The following PRRC2B variants were observed in gnomAD, a reference collection of about 807,000 sequenced individuals.
The protein encoded by PRRC2B is proline rich coiled-coil 2B.
In PRRC2B, 68 loss-of-function variants were observed where a neutral mutation model predicts 242.3. The observed-to-expected ratio is 0.28, with a 90% CI of 0.23 to 0.34. The LOEUF is 0.34. Ranked by LOEUF, PRRC2B falls within the 10% of genes least tolerant of loss-of-function variation. The probability of loss-of-function intolerance (pLI) is 1.00; values close to 1 mark genes in which losing one functional copy is unlikely to be tolerated. For missense variants in PRRC2B, 2,835 were observed against 2,954.8 expected (o/e 0.96, Z 0.94); for synonymous variants, 1,228 against 1,173.6 (o/e 1.05, Z -0.95).
chr9:131,484,561 G>T, intron 23 of PRRC2B, 125 bp from the exon 24 acceptor site: 1 of 723,148 alleles, frequency 1.4e-6, no homozygotes, highest in South Asian at 2.0e-5. Context: ...CCATGGATGG[G>T]TTTGGGCAAG....
chr9:131,454,946 A>G (rs1459052094), intron 9 of PRRC2B, 130 bp from the exon 10 acceptor site: 2 of 651,280 alleles, frequency 3.1e-6, no homozygotes, highest in Non-Finnish European at 5.4e-6. Context: ...CTGGTCTCAA[A>G]CTCCTGTCCT....
At chr9:131,456,973 C>T (rs1246783793) in intron 10 of PRRC2B, among the ~76,000 whole-genome samples, 1 of 152,156 alleles carries the variant, frequency 6.6e-6, no homozygotes, top group Non-Finnish European at 1.5e-5. Flanking sequence ...GATGTTAATG[C>T]TTTGCTGTTG....
intron 29 of PRRC2B, 44 bp downstream of exon 29, chr9:131,491,624 G>C: frequency 6.5e-7 from 1 of 1,535,722 alleles, no homozygotes; most frequent in Non-Finnish European, 8.8e-7. Context: ...AGGGGGCCTT[G>C]TGTCACCAAC....
intron 9 of PRRC2B, among the ~76,000 whole-genome samples, chr9:131,454,181 G>T (rs1470965858): frequency 1.3e-5 from 2 of 152,170 alleles, no homozygotes; most frequent in African/African-American, 2.4e-5. Flanking sequence ...AGTTAATTAT[G>T]TTATAGCATG....
chr9:131,474,061 C>A (rs552568944), intron 15 of PRRC2B, among the ~76,000 whole-genome samples: 1 of 152,138 alleles, frequency 6.6e-6, no homozygotes, highest in Non-Finnish European at 1.5e-5. Context: ...ACAGAGTTAG[C>A]CCTGCCACCC....
intron 25 of PRRC2B, chr9:131,485,680 T>C (rs1167481704): frequency 1.8e-6 from 1 of 542,108 alleles, no homozygotes; most frequent in Non-Finnish European, 3.6e-6. Flanking sequence ...GTGATGTAAT[T>C]CCAATAGATC....
In PRRC2B at chr9:131,464,713, A is replaced by G. The variant is rs200372289; in HGVS notation, c.1405-50A>G. ...ATCCCAAAGTGGGAGTGGTTCCTGT[A>G]TCCCGGGTCCCGGACCCACCGCCTT... On this transcript the variant is annotated intron_variant, in intron 11 of 31. Transcript: ENST00000683519. 89 of 1,490,928 alleles carry G rather than the reference A, an allele frequency of 6.0e-5. No individual in the cohort carries two copies. In the African/African-American group the frequency reaches 1.0e-3, roughly 17 times the overall value. 92.4% of individuals were successfully genotyped at this position (1,490,928 alleles called of 1,614,324 possible). A position where few individuals can be genotyped will look rare whatever the true frequency, so the allele number is the denominator to read the frequency against.
At position 131,444,213 on chromosome 9, in the gene PRRC2B, C is replaced by A; in HGVS notation, c.498C>A (p.Ser166=). Residue 166 remains serine (S), a synonymous_variant, in exon 6 of 32, where the codon TCC becomes TCA. Coordinates refer to ENST00000683519, the MANE Select transcript of PRRC2B (RefSeq NM_013318.4). Reference sequence around the variant, plus strand: ...TAAGGGGCTCAAGCCGACTGTTATCCTTCTCTCCCGAGGAATTTCCGACGC... The same window carrying A: ...TAAGGGGCTCAAGCCGACTGTTATCATTCTCTCCCGAGGAATTTCCGACGC... ...GGLRGSSRLL[S]FSPEEFPTLK... is the part of the protein sequence containing the mutation. 6.2e-7 allele frequency: 1 copy of A among 1,614,030 alleles called. No homozygotes were observed. The highest frequency in any genetic ancestry group is 1.1e-5 in the South Asian group (1 of 91,080).
At chr9:131,490,370 G>C (rs2131480957) in intron 28 of PRRC2B, 1 of 496,998 alleles carries the variant, frequency 2.0e-6, no homozygotes, top group Non-Finnish European at 4.0e-6. Context: ...CTGCAAGTCA[G>C]ATCATACCCC....
At chr9:131,481,097 C>A (rs1392549351) in intron 19 of PRRC2B, among the ~76,000 whole-genome samples, 1 of 151,600 alleles carries the variant, frequency 6.6e-6, no homozygotes, top group African/African-American at 2.4e-5. Flanking sequence ...GTCAGGAGAT[C>A]GAGACCATCC....
At chr9:131,466,846 G>C (rs962463672) in intron 12 of PRRC2B, among the ~76,000 whole-genome samples, 12 of 150,880 alleles carry the variant, frequency 8.0e-5, no homozygotes, top group African/African-American at 2.9e-4. Flanking sequence ...CTGTCGCCCA[G>C]GCTGGAGTGC....
At chr9:131,412,221 C>A (rs1205073946) in intron 1 of PRRC2B, among the ~76,000 whole-genome samples, 1 of 152,184 alleles carries the variant, frequency 6.6e-6, no homozygotes, top group Middle Eastern at 3.2e-3. Context: ...TCTGTTTGTT[C>A]TAATGTTTGT....
intron 1 of PRRC2B, among the ~76,000 whole-genome samples, chr9:131,418,119 A>C (rs1837707142): frequency 6.6e-6 from 1 of 152,232 alleles, no homozygotes; most frequent in South Asian, 2.1e-4. Flanking sequence ...TGATGGTGTC[A>C]CCACCACTAT....
At chr9:131,481,844 A>ATGAGTGTG in intron 20 of PRRC2B, 36 bp downstream of exon 20, 7 of 1,522,134 alleles carry the variant, frequency 4.6e-6, no homozygotes, top group Non-Finnish European at 6.2e-6. Context: ...TGCCCCTGGG[A>ATGAGTGTG]TGAGTGTGTG....
At position 131,452,253 on chromosome 9, in the gene PRRC2B, T is replaced by A. The variant is rs891423738; in HGVS notation, c.1121-2823T>A. 2.6e-5 allele frequency among the ~76,000 whole-genome samples: 4 copies of A among 152,172 alleles called. No homozygotes were observed. In the East Asian group the frequency reaches 7.7e-4, roughly 29 times the overall value. On this transcript the variant is annotated intron_variant, in intron 9 of 31. Transcript: ENST00000683519. ...GCAGCCTCAAACTCCTGGGCTCAAG[T>A]GATCCTCCTGCCTCACCTTCTGAGT...
intron 25 of PRRC2B, 192 bp from the exon 26 acceptor site, chr9:131,485,893 G>A: frequency 2.8e-6 from 2 of 709,036 alleles, no homozygotes; most frequent in South Asian, 1.5e-5. Context: ...CGTTCCCTGA[G>A]GTGCGTGCCA....
At chr9:131,397,214 C>A (rs999613773) in intron 1 of PRRC2B, among the ~76,000 whole-genome samples, 5 of 152,210 alleles carry the variant, frequency 3.3e-5, no homozygotes, top group African/African-American at 1.2e-4. Context: ...CTTCTGCATA[C>A]CTGTGAATTT....
intron 1 of PRRC2B, among the ~76,000 whole-genome samples, chr9:131,403,816 G>GT (rs1283378569): frequency 1.3e-5 from 2 of 151,952 alleles, no homozygotes; most frequent in Non-Finnish European, 2.9e-5. Flanking sequence ...ATGTAGGGAG[G>GT]TTTTTTAAAA....
At chr9:131,442,879 G>C (rs886087564) in intron 5 of PRRC2B, among the ~76,000 whole-genome samples, 4 of 152,164 alleles carry the variant, frequency 2.6e-5, no homozygotes, top group Non-Finnish European at 5.9e-5. Flanking sequence ...ACAACATTAG[G>C]AAAGGCTTCT....
Sources: allele counts gnomAD v4.1 joint callset (sites outside exome capture counted in the v4.1 genomes callset), GRCh38; gene constraint gnomAD v4.1.1; transcripts MANE v1.5; gene names NCBI Gene and HGNC (gene_info 2026-07-23, HGNC 2026-07-21).